Variants in SPEG observed in about 807,000 individuals in gnomAD.
SPEG encodes striated muscle enriched protein kinase.
SPEG carries 114 observed loss-of-function variants against 300.4 expected under a neutral mutation model. The observed-to-expected ratio is 0.38, with a 90% CI of 0.33 to 0.44. The LOEUF is 0.44. Ranked by LOEUF, SPEG falls within the 20% of genes least tolerant of loss-of-function variation. The pLI is 1.00. For missense variants in SPEG, 4,201 were observed against 4,586.2 expected (o/e 0.92, Z 2.43); for synonymous variants, 1,964 against 2,018.9 (o/e 0.97, Z 0.73).
chr2:219,477,711 G>C lies in SPEG; in HGVS notation c.4752G>C (p.Glu1584Asp). 6.3e-7 allele frequency: 1 copy of C among 1,599,738 alleles called. No homozygotes were observed. The highest frequency in any genetic ancestry group is 8.5e-7 in the Non-Finnish European group (1 of 1,171,180). ...VHSAQTAMEV[E>D]GVGEDEDHRG... Reference sequence around the variant, plus strand: ...CAGCTCAGACAGCTATGGAGGTCGAGGGGGTCGGGGAGGATGAGGACCATC... The same window carrying C: ...CAGCTCAGACAGCTATGGAGGTCGACGGGGTCGGGGAGGATGAGGACCATC... The change falls in exon 21 of 41, where the codon GAG becomes GAC. Residue 1584 changes from glutamate (E) to aspartate (D), a missense_variant. This residue lies in a region of SPEG where 1,047 missense variants were observed against 1,356.8 expected (regional missense o/e 0.77). Coordinates refer to ENST00000312358, the MANE Select transcript of SPEG (RefSeq NM_005876.5). This position sits in a 1 kb window ranked among gnomAD's most constrained non-coding sequence, Gnocchi z 6.4.
chr2:219,469,412 C>T (rs1338706860), intron 13 of SPEG, 33 bp downstream of exon 13: 1 of 1,543,402 alleles, frequency 6.5e-7, no homozygotes, highest in Non-Finnish European at 8.9e-7. Context: ...GGGAGTGTCC[C>T]CTGCAGCACC....
At chr2:219,441,546 G>C (rs1473566666) in intron 1 of SPEG, 2 of 470,728 alleles carry the variant, frequency 4.2e-6, no homozygotes, top group Admixed American at 2.3e-5. Flanking sequence ...TTTGTGGAAT[G>C]AGCAAGTCGA....
Position 219,451,488 on chromosome 2 carries a change from G to A in SPEG, c.2258-137G>A. 2.6e-6 allele frequency: 3 copies of A among 1,136,550 alleles called. No homozygotes were observed. Among genetic ancestry groups the A allele is most frequent in the Non-Finnish European group, 3.6e-6 (3 of 837,992 alleles). 70.4% of individuals were successfully genotyped at this position (1,136,550 alleles called of 1,614,324 possible). The stretch of plus-strand genomic sequence containing the variant: ...GAGGGCAACCTGAGCTTCCCAAAAT[G>A]AGGGCGGACTCTTCCAGATTCCCTG... On this transcript the variant is annotated intron_variant, in intron 5 of 40. Coordinates refer to ENST00000312358, the MANE Select transcript of SPEG (RefSeq NM_005876.5). The surrounding 1 kb of genome is among the most constrained non-coding windows in gnomAD (Gnocchi z 6.4).
chr2:219,484,524 G>T lies in SPEG; in HGVS notation c.7061G>T (p.Arg2354Leu). The T allele has an allele frequency of 1.3e-6, 2 of 1,599,464 alleles. No homozygotes were observed. The highest frequency in any genetic ancestry group is 1.3e-5 in the African/African-American group (1 of 74,584). Residue 2354 changes from arginine to leucine, a missense_variant, in exon 30 of 41, where the codon CGT becomes CTT. By Grantham distance (102) the Arg-to-Leu change is moderately radical (BLOSUM62 -2). Transcript: ENST00000312358. The stretch of plus-strand genomic sequence containing the variant: ...TCGCTGGGGCTGCGGCTGCTGAGCC[G>T]TTCGCGCTCGGAGGAGCGCGGCCCC... ...PLSLGLRLLSRSRSEERGPFR... is the reference protein window; with the variant it reads ...PLSLGLRLLSLSRSEERGPFR...
At chr2:219,476,742 A>T in intron 18 of SPEG, 128 bp from the exon 19 acceptor site, 1 of 512,982 alleles carries the variant, frequency 1.9e-6, no homozygotes, top group Non-Finnish European at 3.1e-6. Context: ...GGTGGCTTGC[A>T]GGGAGGCGGG....
rs1208594405 is a variant in SPEG, at chr2:219,479,913, C to T, written c.5164-49C>T. ...CCCCTGTGGGAGCCAGGAGGTGAAG[C>T]ATCCTTCCTTGTTCATTTGGCCCGC... is the stretch of plus-strand genomic sequence containing the variant. On this transcript the variant is annotated intron_variant, in intron 24 of 40. Transcript: ENST00000312358. This position sits in a 1 kb window ranked among gnomAD's most constrained non-coding sequence, Gnocchi z 5.5. 2 of 1,614,098 alleles carry T rather than the reference C, an allele frequency of 1.2e-6. No individual in the cohort carries two copies. The highest frequency in any genetic ancestry group is 1.7e-6 in the Non-Finnish European group (2 of 1,179,942).
Position 219,435,245 on chromosome 2 carries a change from C to A in SPEG, c.268C>A (p.Pro90Thr). ...GQLLPAPAPE[P>T]SCLWLRRCGA... ...GCTCCTGCCCGCGCCGGCCCCCGAGCCCAGCTGCCTGTGGCTGCGGCGCTG... is the reference window on the plus strand; with the variant it reads ...GCTCCTGCCCGCGCCGGCCCCCGAGACCAGCTGCCTGTGGCTGCGGCGCTG... Residue 90 changes from proline (P) to threonine (T), a missense_variant, in exon 1 of 41, where the codon CCC (proline) becomes ACC (threonine). Pro to Thr is a conservative substitution (Grantham distance 38). Transcript: ENST00000312358. 1 of 1,482,600 alleles carries A rather than the reference C, an allele frequency of 6.7e-7. No individual in the cohort carries two copies. Among genetic ancestry groups the A allele is most frequent in the Non-Finnish European group, 8.9e-7 (1 of 1,126,354 alleles). 91.8% of individuals were successfully genotyped at this position (1,482,600 alleles called of 1,614,324 possible).
chr2:219,472,968 G>T lies in SPEG; in HGVS notation c.4019G>T (p.Arg1340Leu). 1 of 1,613,788 alleles carries T rather than the reference G, an allele frequency of 6.2e-7. No individual in the cohort carries two copies. The highest frequency in any genetic ancestry group is 1.1e-5 in the South Asian group (1 of 91,078). The change falls in exon 16 of 41, where the codon CGG (arginine) becomes CTG (leucine). Residue 1340 changes from arginine (R) to leucine (L), a missense_variant. Coordinates refer to ENST00000312358, the MANE Select transcript of SPEG (RefSeq NM_005876.5). ...DQWTALVTGL[R>L]EPGWAATGLR... ...TGGACGGCACTGGTCACAGGCCTGC[G>T]GGAGCCAGGGTGGGCAGCCACAGGG... is the stretch of plus-strand genomic sequence containing the variant.
Position 219,477,219 on chromosome 2 carries a change from T to TGGTACAGC in SPEG, c.4561-56_4561-55insTACAGCGG. On this transcript the variant is annotated intron_variant, in intron 19 of 40. Transcript: ENST00000312358. The surrounding 1 kb of genome is among the most constrained non-coding windows in gnomAD (Gnocchi z 6.4). ...CTGCCCAGAGTAGGAGATGAGGCCC[T>TGGTACAGC]GGCCCCAAGGTAGAGATGAGGCCAG... 81 of 464,300 alleles carry TGGTACAGC rather than the reference T, an allele frequency of 1.7e-4. 1 individual carries two copies. The highest frequency in any genetic ancestry group is 1.2e-4 in the Admixed American group (2 of 16,010). The allele number at this position is 464,300 out of a possible 1,614,324, so 28.8% of individuals were successfully genotyped here.
intron 13 of SPEG, among the ~76,000 whole-genome samples, chr2:219,469,797 A>G (rs922666729): frequency 6.6e-6 from 1 of 152,210 alleles, no homozygotes; most frequent in Non-Finnish European, 1.5e-5. Context: ...TTCTTGTTTT[A>G]GTAGCCATTA....
chr2:219,488,134 C>T (rs186023548), intron 31 of SPEG, 60 bp from the exon 32 acceptor site: 5 of 1,123,774 alleles, frequency 4.4e-6, no homozygotes, highest in Non-Finnish European at 6.6e-6. Context: ...CCACCCCTCC[C>T]TCAGCAGTAA....
chr2:219,446,883 A>G (rs1689329292), intron 3 of SPEG, among the ~76,000 whole-genome samples: 1 of 152,168 alleles, frequency 6.6e-6, no homozygotes, highest in Admixed American at 6.5e-5. Context: ...CACTTGGTAC[A>G]AGCCTGGCAC....
rs1692469213 is a variant in SPEG at position 219,477,622 on chromosome 2, C to G, written c.4730-67C>G. ...TCTTCTCTCTTCTTCTTCTGTCCAC[C>G]TGTCCCAGTCTCTGGCCTGCTTGCT... On this transcript the variant is annotated intron_variant, in intron 20 of 40. Transcript: ENST00000312358. The surrounding 1 kb of genome is among the most constrained non-coding windows in gnomAD (Gnocchi z 6.4). 8 of 1,424,802 alleles carry G rather than the reference C, an allele frequency of 5.6e-6. No individual in the cohort carries two copies. The highest frequency in any genetic ancestry group is 5.7e-6 in the Non-Finnish European group (6 of 1,043,856). 88.3% of individuals were successfully genotyped at this position (1,424,802 alleles called of 1,614,324 possible). A position where few individuals can be genotyped will look rare whatever the true frequency, so the allele number is the denominator to read the frequency against.
Position 219,451,742 on chromosome 2 carries a change from A to G in SPEG, c.2375A>G (p.Tyr792Cys), listed in dbSNP as rs1194073144. The change falls in exon 6 of 41, where the codon TAT (tyrosine) becomes TGT (cysteine). Residue 792 changes from tyrosine (Y) to cysteine (C), a missense_variant. Physicochemically the swap from Tyr to Cys is radical, Grantham distance 194. Around this residue, in one of 4 missense-constraint regions of SPEG, gnomAD observed 1,258 missense variants for 1,293.9 expected, o/e 0.97. Transcript: ENST00000312358. The surrounding 1 kb of genome is among the most constrained non-coding windows in gnomAD (Gnocchi z 6.4). Reference sequence around the variant, plus strand: ...GCCAGGGCAGCAGATGCCGGGAGCTATATGGCCACCGCCACCAACGAGCTG... The same window carrying G: ...GCCAGGGCAGCAGATGCCGGGAGCTGTATGGCCACCGCCACCAACGAGCTG... ...REARAADAGS[Y>C]MATATNELGQ... 1.3e-6 allele frequency: 2 copies of G among 1,560,086 alleles called. No individual in the cohort carries two copies. Among genetic ancestry groups the G allele is most frequent in the Non-Finnish European group, 1.7e-6 (2 of 1,152,534 alleles).
Position 219,448,172 on chromosome 2 carries a change from C to T in SPEG, c.1014C>T (p.Arg338=). 6.2e-7 allele frequency: 1 copy of T among 1,611,840 alleles called. No individual in the cohort carries two copies. The highest frequency in any genetic ancestry group is 8.5e-7 in the Non-Finnish European group (1 of 1,179,352). The change falls in exon 4 of 41, where the codon CGC becomes CGT. Residue 338 remains arginine (R), a synonymous_variant. Transcript: ENST00000312358. ...CCACCCCCACGTCGCCCCACCGTCG[C>T]ACTCAGGAGCCTGTGCTGCCCGAGG... ...PAATPTSPHR[R]TQEPVLPEDT...
chr2:219,476,924 C>G lies in SPEG; in HGVS notation c.4502C>G (p.Thr1501Ser). 6.2e-7 allele frequency: 1 copy of G among 1,613,442 alleles called. No individual in the cohort carries two copies. Among genetic ancestry groups the G allele is most frequent in the South Asian group, 1.1e-5 (1 of 91,024 alleles). Residue 1501 changes from threonine to serine, a missense_variant, in exon 19 of 41, where the codon ACT (threonine) becomes AGT (serine). Thr to Ser is a moderately conservative substitution (Grantham distance 58). This residue lies in a region of SPEG where 1,047 missense variants were observed against 1,356.8 expected (regional missense o/e 0.77). Coordinates refer to ENST00000312358, the MANE Select transcript of SPEG (RefSeq NM_005876.5). ...GACGTGGAGGTGGGGGCTGGGGAAA[C>G]TGCTCGCTTTGCGGTGGTGGTCGAG... ...MEDVEVGAGE[T>S]ARFAVVVEGK...
At position 219,492,814 on chromosome 2, in the gene SPEG, C is replaced by T. The variant is rs756481777; in HGVS notation, c.*28C>T. ...GCACGGACCACAGCCAGGCCTCGGG[C>T]TTCAACTGGGGTTCCCACCAATGCC... is the stretch of plus-strand genomic sequence containing the variant. On this transcript the variant is annotated 3_prime_UTR_variant, in exon 41 of 41. Coordinates refer to ENST00000312358, the MANE Select transcript of SPEG (RefSeq NM_005876.5). 2 of 1,547,088 alleles carry T rather than the reference C, an allele frequency of 1.3e-6. No individual in the cohort carries two copies. Among genetic ancestry groups the T allele is most frequent in the Admixed American group, 3.8e-5 (2 of 52,920 alleles).
At chr2:219,467,085 G>T in intron 9 of SPEG, 89 bp from the exon 10 acceptor site, 2 of 1,423,676 alleles carry the variant, frequency 1.4e-6, no homozygotes, top group East Asian at 2.3e-5. Flanking sequence ...CTCTGTGTCT[G>T]TCTGTCTCTC....
At chr2:219,488,157 C>A in intron 31 of SPEG, 37 bp from the exon 32 acceptor site, 1 of 1,432,476 alleles carries the variant, frequency 7.0e-7, no homozygotes, top group Non-Finnish European at 9.8e-7. Flanking sequence ...GGGCCAGGGT[C>A]CCTACAGATA....
Sources: gnomAD v4.1 joint callset for allele counts (sites outside exome capture counted in the v4.1 genomes callset) on GRCh38, gnomAD v4.1.1 for gene constraint, gnomAD v4.1.1 regional missense constraint, Gnocchi (gnomAD v3.1) non-coding constraint, MANE v1.5 for transcripts, NCBI Gene and HGNC (gene_info 2026-07-23, HGNC 2026-07-21) for gene names.